CDCA2: variants seen among roughly 807,000 people sequenced by gnomAD.
CDCA2 encodes cell division cycle associated 2, also known as cell division cycle-associated protein 2.
CDCA2 carries 44 observed loss-of-function variants against 67.0 expected under a neutral mutation model. The ratio of observed to expected loss-of-function variants is 0.66; its 90% CI spans 0.52 to 0.84. The LOEUF is 0.84. CDCA2 is among the 40% of genes least tolerant of loss of function. CDCA2 has a pLI of 0.00. For synonymous variants in CDCA2, 447 were observed against 418.7 expected, an observed-to-expected ratio of 1.07 and a Z score of -0.82; for missense variants, 1,253 against 1,203.2, an observed-to-expected ratio of 1.04 and a Z score of -0.61.
Position 25,507,323 on chromosome 8 carries a change from G to A in CDCA2, c.2657G>A (p.Ser886Asn), listed in dbSNP as rs754735858. The stretch of plus-strand genomic sequence containing the variant: ...GAGCAAACCTTTCAGAGGAGAAATA[G>A]TGAAACCAAAGTGCGACGTAGCACG... ...AIEQTFQRRN[S>N]ETKVRRSTRL... The change falls in exon 15 of 15, where the codon AGT (serine) becomes AAT (asparagine). Residue 886 changes from serine to asparagine, a missense_variant. Ser to Asn is a conservative substitution (Grantham distance 46, BLOSUM62 1). Transcript: ENST00000330560. The A allele has an allele frequency of 8.1e-6, 13 of 1,613,906 alleles. No homozygotes were observed. Among genetic ancestry groups the A allele is most frequent in the Middle Eastern group, 1.6e-4 (1 of 6,084 alleles).
intron 12 of CDCA2, among the ~76,000 whole-genome samples, chr8:25,487,674 C>T (rs898539302): frequency 1.3e-5 from 2 of 152,014 alleles, no homozygotes; most frequent in Middle Eastern, 3.4e-3. Flanking sequence ...ACTCAGGAGG[C>T]GGAGCTTGCC....
chr8:25,497,632 G>A (rs1171607670), intron 13 of CDCA2, among the ~76,000 whole-genome samples: 1 of 152,098 alleles, frequency 6.6e-6, no homozygotes, highest in African/African-American at 2.4e-5. Context: ...GGATGAGTAA[G>A]TTCTGGAGAT....
At chr8:25,501,196 T>C (rs901215970) in intron 13 of CDCA2, among the ~76,000 whole-genome samples, 1 of 152,244 alleles carries the variant, frequency 6.6e-6, no homozygotes, top group Non-Finnish European at 1.5e-5. Flanking sequence ...AAATGTACAC[T>C]GTAAATCACC....
At chr8:25,492,897 C>A (rs1165669434) in intron 13 of CDCA2, among the ~76,000 whole-genome samples, 1 of 152,192 alleles carries the variant, frequency 6.6e-6, no homozygotes, top group African/African-American at 2.4e-5. Context: ...AGAGTGCAGA[C>A]TCTGGACCAG....
At position 25,479,915 on chromosome 8, in the gene CDCA2, C is replaced by G; in HGVS notation, c.823C>G (p.Leu275Val). ...AAGTTTACATGTTTATCTTGAAGCA[C>G]TAAAGGTTGCTGACTGTGTAGTGGG... ...LSELTETSNA[L>V]KVADCVVGKG... The change falls in exon 8 of 15, where the codon CTA becomes GTA. Residue 275 changes from leucine (L) to valine (V), a missense_variant and splice_region_variant. Transcript: ENST00000330560. 1 of 1,614,102 alleles carries G rather than the reference C, an allele frequency of 6.2e-7. No individual in the cohort carries two copies. The highest frequency in any genetic ancestry group is 8.5e-7 in the Non-Finnish European group (1 of 1,180,000).
intron 4 of CDCA2, 53 bp downstream of exon 4, chr8:25,462,261 C>T: frequency 6.4e-7 from 1 of 1,557,608 alleles, no homozygotes; most frequent in South Asian, 1.1e-5. Flanking sequence ...AGCTTTTGTG[C>T]TTTCTTTACA....
intron 8 of CDCA2, among the ~76,000 whole-genome samples, chr8:25,482,495 C>G (rs918085960): frequency 2.0e-5 from 3 of 152,140 alleles, no homozygotes; most frequent in Admixed American, 6.6e-5. Flanking sequence ...GGAAAAAAGT[C>G]ACAAAACACA....
intron 11 of CDCA2, among the ~76,000 whole-genome samples, chr8:25,486,287 CT>C (rs750836495): frequency 6.6e-6 from 1 of 152,174 alleles, no homozygotes; most frequent in Non-Finnish European, 1.5e-5. Flanking sequence ...TTGCTCCCAG[CT>C]TTTCTGACAA....
chr8:25,479,110 C>T (rs1036546075), intron 7 of CDCA2, among the ~76,000 whole-genome samples: 1 of 152,106 alleles, frequency 6.6e-6, no homozygotes, highest in Non-Finnish European at 1.5e-5. Context: ...TTTACATGCA[C>T]ATACTTTTTG....
intron 12 of CDCA2, among the ~76,000 whole-genome samples, chr8:25,488,184 A>C (rs918041826): frequency 1.3e-5 from 2 of 152,194 alleles, no homozygotes; most frequent in Non-Finnish European, 2.9e-5. Flanking sequence ...CCAGGATTCA[A>C]ACCTAGATAA....
At chr8:25,480,831 C>T (rs1465275688) in intron 8 of CDCA2, among the ~76,000 whole-genome samples, 2 of 152,196 alleles carry the variant, frequency 1.3e-5, no homozygotes, top group East Asian at 3.9e-4. Context: ...AATGTAATCA[C>T]TGAGCAAATT....
At chr8:25,477,718 C>G (rs1803405398) in intron 7 of CDCA2, among the ~76,000 whole-genome samples, 1 of 152,098 alleles carries the variant, frequency 6.6e-6, no homozygotes, top group Non-Finnish European at 1.5e-5. Flanking sequence ...TCCCGGAACT[C>G]TTGAATTAAG....
At chr8:25,492,107 T>C (rs989528823) in intron 13 of CDCA2, among the ~76,000 whole-genome samples, 1 of 150,282 alleles carries the variant, frequency 6.7e-6, no homozygotes, top group African/African-American at 2.5e-5. Context: ...GCTAATTTTT[T>C]TTTACTTTCT....
At chr8:25,489,982 T>G (rs906258086) in intron 13 of CDCA2, among the ~76,000 whole-genome samples, 1 of 152,158 alleles carries the variant, frequency 6.6e-6, no homozygotes, top group Non-Finnish European at 1.5e-5. Flanking sequence ...TCCGTAAACT[T>G]CCTTCCCCCT....
chr8:25,506,451 T>C, intron 14 of CDCA2, 59 bp from the exon 15 acceptor site: 3 of 1,406,724 alleles, frequency 2.1e-6, no homozygotes, highest in Non-Finnish European at 2.9e-6. Context: ...TTAATAAATG[T>C]AAAGTTCATT....
intron 4 of CDCA2, among the ~76,000 whole-genome samples, chr8:25,462,749 C>A (rs997385915): frequency 3.3e-5 from 5 of 152,166 alleles, no homozygotes; most frequent in Non-Finnish European, 7.4e-5. Flanking sequence ...CAATCATAGC[C>A]CACCGCAGCA....
rs144313074 is a variant in CDCA2, at chr8:25,503,484, G to A, written c.1783G>A (p.Glu595Lys). ...GAAGCCCCTCCTCAGTCCTATTCCC[G>A]AGCTGCCTGAAGTCCCTGAGATGAC... ...SKKPLLSPIP[E>K]LPEVPEMTPS... The change falls in exon 14 of 15, where the codon GAG becomes AAG. Residue 595 changes from glutamate (E) to lysine (K), a missense_variant. Coordinates refer to ENST00000330560, the MANE Select transcript of CDCA2 (RefSeq NM_152562.4). 4.0e-5 allele frequency: 64 copies of A among 1,613,858 alleles called. No individual in the cohort carries two copies. Among genetic ancestry groups the A allele is most frequent in the African/African-American group, 8.0e-5 (6 of 74,880 alleles).
intron 14 of CDCA2, among the ~76,000 whole-genome samples, chr8:25,505,248 C>G (rs550985989): frequency 2.0e-5 from 3 of 152,274 alleles, no homozygotes; most frequent in East Asian, 1.9e-4. Context: ...GTCGCCCAGC[C>G]TGGAGTGCAG....
Position 25,466,262 on chromosome 8 carries a change from G to T in CDCA2, c.475G>T (p.Glu159Ter). 2 of 1,610,736 alleles carry T rather than the reference G, an allele frequency of 1.2e-6. No homozygotes were observed. The highest frequency in any genetic ancestry group is 1.7e-6 in the Non-Finnish European group (2 of 1,179,224). ...QSAFHSIKEN[E>*]KMTGCLEFSE... ...AGCTTTTCACTCCATAAAGGAAAAC[G>T]AGAAAATGACCGGCTGTCTGGAATT... The change falls in exon 5 of 15, where the codon GAG becomes TAG. Residue 159 changes from glutamate (E) to a stop codon, truncating the protein, a stop_gained. Transcript: ENST00000330560. LOFTEE classifies it high-confidence loss of function.
Sources: allele counts gnomAD v4.1 joint callset (sites outside exome capture counted in the v4.1 genomes callset), GRCh38; gene constraint gnomAD v4.1.1; transcripts MANE v1.5; gene names NCBI Gene and HGNC (gene_info 2026-07-23, HGNC 2026-07-21).